Variants in MED13L observed in about 807,000 individuals in gnomAD.
MED13L encodes mediator complex subunit 13L, also known as mediator of RNA polymerase II transcription subunit 13-like.
A neutral mutation model predicts 220.9 loss-of-function variants in MED13L; 7 were observed. The observed-to-expected ratio is 0.03, with a 90% CI of 0.02 to 0.06. The LOEUF (loss-of-function observed/expected upper bound fraction) is 0.06. MED13L is among the 10% of genes least tolerant of loss of function. The pLI is 1.00. For synonymous variants in MED13L, 1,011 were observed against 1,015.2 expected (o/e 1.00, Z 0.08); for missense variants, 1,965 against 2,760.5 (o/e 0.71, Z 6.46).
At chr12:116,168,264 A>G (rs1290995995) in intron 2 of MED13L, among the ~76,000 whole-genome samples, 3 of 152,138 alleles carry the variant, frequency 2.0e-5, no homozygotes, top group Non-Finnish European at 4.4e-5. Context: ...AGAGCATTAA[A>G]TAGAAGTAAC....
chr12:115,984,380 C>T lies in MED13L; in HGVS notation c.4339-8G>A. The T allele has an allele frequency of 6.2e-7, 1 of 1,613,920 alleles. No homozygotes were observed. The highest frequency in any genetic ancestry group is 8.5e-7 in the Non-Finnish European group (1 of 1,179,924). ...CTGCCCAAGCCTACACATCTGATAT[C>T]ATAGACAAGATCATTAGTTATAACA... On this transcript the variant is annotated splice_polypyrimidine_tract_variant and splice_region_variant and intron_variant, in intron 19 of 30. Coordinates refer to ENST00000281928, the MANE Select transcript of MED13L (RefSeq NM_015335.5).
intron 17 of MED13L, among the ~76,000 whole-genome samples, chr12:115,987,729 GCTC>G (rs1314152979): frequency 3.3e-5 from 5 of 152,162 alleles, no homozygotes; most frequent in South Asian, 4.1e-4. Context: ...CTCTTTAAAT[GCTC>G]CTAATTGTAA....
chr12:116,189,053 T>C (rs1032569054), intron 2 of MED13L, among the ~76,000 whole-genome samples: 4 of 152,228 alleles, frequency 2.6e-5, no homozygotes, highest in Admixed American at 2.6e-4. Flanking sequence ...ACATACGTTT[T>C]CACTTCTCTG....
intron 4 of MED13L, among the ~76,000 whole-genome samples, chr12:116,047,592 A>G (rs1881917030): frequency 1.3e-5 from 2 of 152,208 alleles, no homozygotes; most frequent in South Asian, 4.1e-4. Flanking sequence ...AAGAAAATAG[A>G]TTAAGATAAC....
intron 2 of MED13L, among the ~76,000 whole-genome samples, chr12:116,191,149 G>T (rs1198517434): frequency 1.3e-5 from 2 of 151,270 alleles, no homozygotes; most frequent in African/African-American, 2.4e-5. Context: ...TTCAGTCAAG[G>T]AACAGTAATT....
chr12:116,052,906 T>C (rs775884032), intron 4 of MED13L, among the ~76,000 whole-genome samples: 1 of 152,216 alleles, frequency 6.6e-6, no homozygotes, highest in Non-Finnish European at 1.5e-5. Context: ...GAAAGTCAAA[T>C]GCATTTCAGT....
chr12:116,172,724 G>A (rs1318601839), intron 2 of MED13L, among the ~76,000 whole-genome samples: 1 of 151,956 alleles, frequency 6.6e-6, no homozygotes, highest in Non-Finnish European at 1.5e-5. Context: ...TGTGGGAATC[G>A]CGACAGACTC....
chr12:116,019,724 A>AT, intron 6 of MED13L, 54 bp downstream of exon 6: 1 of 1,538,280 alleles, frequency 6.5e-7, no homozygotes, highest in Non-Finnish European at 9.0e-7. Context: ...TATCTTTTTA[A>AT]ATTAAGGAAG....
intron 2 of MED13L, among the ~76,000 whole-genome samples, chr12:116,177,580 T>A (rs1880165232): frequency 6.6e-6 from 1 of 152,206 alleles, no homozygotes; most frequent in Non-Finnish European, 1.5e-5. Context: ...GCTATTTATA[T>A]AACTTTAAAA....
rs1871813242 is a variant in MED13L, at chr12:116,253,967, G to A, written c.73-16262C>T. On this transcript the variant is annotated intron_variant, in intron 1 of 30. Coordinates refer to ENST00000281928, the MANE Select transcript of MED13L (RefSeq NM_015335.5). ...GTAGAGACGGGGTTTCGCCACATTG[G>A]CCAGGCTGGTCTCGAACCCCTGACC... 1.3e-5 allele frequency among the ~76,000 whole-genome samples: 2 copies of A among 151,714 alleles called. 1 individual carries two copies. Among genetic ancestry groups the A allele is most frequent in the African/African-American group, 4.9e-5 (2 of 41,198 alleles).
In MED13L at chr12:116,214,635, GCTTT is replaced by G. The variant is rs1017269449; in HGVS notation, c.310+22829_310+22832del. Among the ~76,000 whole-genome samples the G allele has an allele frequency of 6.1e-4, 93 of 152,046 alleles. 1 individual carries two copies. The highest frequency in any genetic ancestry group is 2.1e-3 in the African/African-American group (85 of 41,460). On this transcript the variant is annotated intron_variant, in intron 2 of 30. Coordinates refer to ENST00000281928, the MANE Select transcript of MED13L (RefSeq NM_015335.5). ...AGGAAAATATAATTTTTCAATAATA[GCTTT>G]TTTTCTCTTGATCTCCTTTAAACAA...
intron 22 of MED13L, 75 bp from the exon 23 acceptor site, chr12:115,981,013 C>G (rs1031360212): frequency 7.6e-6 from 10 of 1,317,520 alleles, no homozygotes; most frequent in East Asian, 2.4e-5. Context: ...AACAAGCAAG[C>G]TGAAAAAGGA....
At chr12:115,961,657 A>G (rs1875765244) in intron 30 of MED13L, 2 of 514,440 alleles carry the variant, frequency 3.9e-6, no homozygotes, top group South Asian at 2.0e-5. Flanking sequence ...GACTGCAGGT[A>G]AAGTAGGCAC....
In MED13L at chr12:116,277,161, G is replaced by A; in HGVS notation, c.-30C>T. On this transcript the variant is annotated 5_prime_UTR_variant, in exon 1 of 31. Transcript: ENST00000281928. ...CTCCGCGAGCCCGGCCGCCAGAGCG[G>A]GGCATGTCGGAGCGAGGCGTCCGAG... is the stretch of plus-strand genomic sequence containing the variant. 1.3e-6 allele frequency: 2 copies of A among 1,532,984 alleles called. No homozygotes were observed. Among genetic ancestry groups the A allele is most frequent in the Non-Finnish European group, 1.8e-6 (2 of 1,137,436 alleles). The allele number at this position is 1,532,984 out of a possible 1,614,324, so 95.0% of individuals were successfully genotyped here.
chr12:116,130,691 TG>T (rs11351480), intron 2 of MED13L, among the ~76,000 whole-genome samples: 12,477 of 152,210 alleles, frequency 0.082, 673 homozygotes, highest in East Asian at 0.22. Context: ...ATGTACTGTA[TG>T]GGGACTGATA....
At chr12:116,180,016 A>G (rs1231587379) in intron 2 of MED13L, among the ~76,000 whole-genome samples, 5 of 152,334 alleles carry the variant, frequency 3.3e-5, no homozygotes, top group African/African-American at 9.6e-5. Flanking sequence ...TTGAGTATCT[A>G]TACAATCCAA....
At chr12:116,168,827 T>C (rs1879471934) in intron 2 of MED13L, among the ~76,000 whole-genome samples, 1 of 152,212 alleles carries the variant, frequency 6.6e-6, no homozygotes, top group South Asian at 2.1e-4. Flanking sequence ...CAAAAAGTTT[T>C]TGTTCACATG....
chr12:116,228,947 A>AT lies in MED13L; in HGVS notation c.310+8520dup, dbSNP rs1412537377. On this transcript the variant is annotated intron_variant, in intron 2 of 30. Coordinates refer to ENST00000281928, the MANE Select transcript of MED13L (RefSeq NM_015335.5). ...TAATGATCAACAACCTCTTTTTTAA[A>AT]TTTTTTTTTAACAGAGATGGTATCG... is the stretch of plus-strand genomic sequence containing the variant. 1.6e-4 allele frequency among the ~76,000 whole-genome samples: 24 copies of AT among 151,688 alleles called. No individual in the cohort carries two copies. In the East Asian group the frequency reaches 4.1e-3, roughly 26 times the overall value.
intron 14 of MED13L, 67 bp downstream of exon 14, chr12:116,002,936 T>C (rs1349492212): frequency 8.2e-7 from 1 of 1,220,866 alleles, no homozygotes; most frequent in Non-Finnish European, 1.2e-6. Flanking sequence ...CACCACTAAG[T>C]ATGAGAATAT....
Sources: gnomAD v4.1 joint callset for allele counts (sites outside exome capture counted in the v4.1 genomes callset) on GRCh38, gnomAD v4.1.1 for gene constraint, MANE v1.5 for transcripts, NCBI Gene and HGNC (gene_info 2026-07-23, HGNC 2026-07-21) for gene names.